Variants in MICAL3 observed in about 807,000 individuals in gnomAD.
MICAL3 encodes microtubule associated monooxygenase, calponin and LIM domain containing 3.
A neutral mutation model predicts 207.4 loss-of-function variants in MICAL3; 62 were observed. The observed-to-expected ratio is 0.30, with a 90% CI of 0.24 to 0.37. The LOEUF is 0.37. MICAL3 is among the 10% of genes least tolerant of loss of function. The pLI is 1.00. For missense variants in MICAL3, 2,368 were observed against 2,635.6 expected (o/e 0.90, Z 2.22); for synonymous variants, 1,077 against 1,069.3 (o/e 1.01, Z -0.14).
At chr22:17,896,221 G>T (rs1448280258) in intron 9 of MICAL3, 25 bp downstream of exon 9, 9 of 1,405,144 alleles carry the variant, frequency 6.4e-6, no homozygotes, top group Non-Finnish European at 8.9e-6. Context: ...TCTCATGAAA[G>T]GAACCCCGGG....
intron 1 of MICAL3, among the ~76,000 whole-genome samples, chr22:17,929,563 CTTTTCTTTT>C (rs1569136464): frequency 1.0e-5 from 1 of 95,610 alleles, no homozygotes; most frequent in Non-Finnish European, 2.1e-5. Context: ...CTTTCCTTTT[CTTTTCTTTT>C]TTTTTTTTTT....
intron 19 of MICAL3, among the ~76,000 whole-genome samples, chr22:17,843,948 G>A (rs779261061): frequency 7.2e-5 from 11 of 152,152 alleles, no homozygotes; most frequent in Non-Finnish European, 1.0e-4. Flanking sequence ...CCAGGTTCAC[G>A]CCATTCTCCT....
At chr22:17,930,238 T>C (rs117221605) in intron 1 of MICAL3, among the ~76,000 whole-genome samples, 2,867 of 152,244 alleles carry the variant, frequency 0.019, 51 homozygotes, top group Non-Finnish European at 0.029. Flanking sequence ...CTATGGAAAA[T>C]TGTTCAGCAG....
At chr22:18,005,198 G>A (rs1429622758) in intron 1 of MICAL3, 1 of 152,220 alleles carries the variant, frequency 6.6e-6, no homozygotes, top group African/African-American at 2.4e-5. Context: ...ACTTCCTAAA[G>A]TGCTGGGGTT....
intron 1 of MICAL3, among the ~76,000 whole-genome samples, chr22:17,914,859 G>A (rs1932380113): frequency 6.6e-6 from 1 of 152,220 alleles, no homozygotes; most frequent in African/African-American, 2.4e-5. Flanking sequence ...CCAGCCATCA[G>A]CAACGCCTAT....
chr22:17,850,441 C>T (rs1027688128), intron 19 of MICAL3, among the ~76,000 whole-genome samples: 61 of 110,256 alleles, frequency 5.5e-4, no homozygotes, highest in African/African-American at 1.9e-3. Flanking sequence ...GATGGAGTCT[C>T]ACTCTGTTAC....
In MICAL3 at chr22:17,887,401, G is replaced by A. The variant is rs767347164; in HGVS notation, c.1926C>T (p.Val642=). The A allele has an allele frequency of 1.2e-6, 2 of 1,613,904 alleles. No individual in the cohort carries two copies. Among genetic ancestry groups the A allele is most frequent in the Admixed American group, 3.3e-5 (2 of 60,028 alleles). The change falls in exon 14 of 32, where the codon GTC becomes GTT. Residue 642 remains valine, a synonymous_variant. Transcript: ENST00000441493. ...TLDLNAEEKA[V]LIASTRSPIS... ...TAGGGGATCTGGTGCTGGCTATCAGGACTGCTTTCTCCTCGGCATTTAGGT... is the reference window on the plus strand; with the variant it reads ...TAGGGGATCTGGTGCTGGCTATCAGAACTGCTTTCTCCTCGGCATTTAGGT...
intron 1 of MICAL3, among the ~76,000 whole-genome samples, chr22:17,967,616 TA>T (rs1168550547): frequency 2.0e-5 from 3 of 152,104 alleles, no homozygotes; most frequent in Admixed American, 6.5e-5. Context: ...CATATTATAA[TA>T]AAAATGAGGA....
intron 1 of MICAL3, among the ~76,000 whole-genome samples, chr22:18,012,472 C>T (rs116291536): frequency 0.011 from 1,652 of 152,204 alleles, 29 homozygotes; most frequent in African/African-American, 0.038. Flanking sequence ...GAGACCAAGG[C>T]GATAGTGGTG....
intron 29 of MICAL3, among the ~76,000 whole-genome samples, chr22:17,798,651 A>G (rs1244818745): frequency 2.0e-5 from 3 of 150,074 alleles, no homozygotes; most frequent in Non-Finnish European, 4.4e-5. Context: ...TATTATAATG[A>G]TAAATAGTGT....
chr22:18,020,913 C>CAAAT (rs200685200), intron 1 of MICAL3, among the ~76,000 whole-genome samples: 13,487 of 134,070 alleles, frequency 0.1, 807 homozygotes, highest in South Asian at 0.15. Context: ...GACCCTGTCT[C>CAAAT]AAATAAATAA....
chr22:17,987,414 C>T (rs371123639), intron 1 of MICAL3, among the ~76,000 whole-genome samples: 39 of 152,296 alleles, frequency 2.6e-4, no homozygotes, highest in African/African-American at 3.4e-4. Context: ...AAGGAAAGTA[C>T]GGTCCCCGCC....
At chr22:17,877,531 GGGAGGTTAT>G (rs1230434449) in intron 16 of MICAL3, among the ~76,000 whole-genome samples, 48 of 130,572 alleles carry the variant, frequency 3.7e-4, no homozygotes, top group Middle Eastern at 4.1e-3. Context: ...AGGGAGGTGA[GGGAGGTTAT>G]GGAGGTGAGG....
At chr22:18,017,071 C>T (rs899013281) in intron 1 of MICAL3, among the ~76,000 whole-genome samples, 9 of 152,226 alleles carry the variant, frequency 5.9e-5, no homozygotes, top group African/African-American at 1.9e-4. Context: ...AACTTTCTTG[C>T]ACCACCACAC....
intron 23 of MICAL3, 50 bp from the exon 24 acceptor site, chr22:17,822,220 C>A: frequency 6.3e-7 from 1 of 1,579,778 alleles, no homozygotes; most frequent in Non-Finnish European, 8.6e-7. Flanking sequence ...GTGAGGCCAA[C>A]TCCTTTTCCA....
intron 16 of MICAL3, 133 bp downstream of exon 16, chr22:17,885,745 G>A: frequency 1.1e-6 from 1 of 901,498 alleles, no homozygotes; most frequent in Admixed American, 2.1e-5. Flanking sequence ...GCTGCAGTCA[G>A]GCGAGGGAAA....
intron 1 of MICAL3, among the ~76,000 whole-genome samples, chr22:17,950,542 T>G (rs396524): frequency 0.59 from 89,719 of 151,544 alleles, 27,469 homozygotes; most frequent in African/African-American, 0.75. Context: ...TCACTATGTT[T>G]GCCAGGCTGG....
chr22:17,833,602 C>G (rs757122225), intron 20 of MICAL3, among the ~76,000 whole-genome samples: 1 of 152,194 alleles, frequency 6.6e-6, no homozygotes, highest in Non-Finnish European at 1.5e-5. Context: ...CTTGGCTCCA[C>G]GAAAGTAACC....
intron 19 of MICAL3, among the ~76,000 whole-genome samples, chr22:17,842,838 C>T (rs755975889): frequency 2.0e-5 from 3 of 152,176 alleles, no homozygotes; most frequent in Non-Finnish European, 2.9e-5. Flanking sequence ...TCCCATCACT[C>T]TGGCTGGGTG....
Sources: gnomAD v4.1 joint callset for allele counts (sites outside exome capture counted in the v4.1 genomes callset) on GRCh38, gnomAD v4.1.1 for gene constraint, MANE v1.5 for transcripts, NCBI Gene and HGNC (gene_info 2026-07-23, HGNC 2026-07-21) for gene names.